MICAL2: variants seen among roughly 807,000 people sequenced by gnomAD.
MICAL2 encodes the protein microtubule associated monooxygenase, calponin and LIM domain containing 2, also known as [F-actin]-monooxygenase MICAL2.
In MICAL2, 77 loss-of-function variants were observed where a neutral mutation model predicts 127.3. That is an observed-to-expected ratio of 0.60 (90% CI 0.50 to 0.73). The LOEUF (loss-of-function observed/expected upper bound fraction) is 0.73, where lower values mean the gene tolerates loss of function less well. MICAL2 is among the 30% of genes least tolerant of loss of function. The pLI is 0.00. For missense variants in MICAL2, 1,351 were observed against 1,434.4 expected, an observed-to-expected ratio of 0.94 and a Z score of 0.94; for synonymous variants, 570 against 551.1, an observed-to-expected ratio of 1.03 and a Z score of -0.48.
intron 32 of MICAL2, among the ~76,000 whole-genome samples, chr11:12,336,180 G>C: frequency 6.6e-6 from 1 of 152,146 alleles, no homozygotes; most frequent in Non-Finnish European, 1.5e-5. Flanking sequence ...TCCCTTGTAA[G>C]TTGGATTCCT....
chr11:12,132,678 G>T (rs751671050), intron 1 of MICAL2, among the ~76,000 whole-genome samples: 5 of 152,194 alleles, frequency 3.3e-5, no homozygotes, highest in Non-Finnish European at 7.3e-5. Context: ...GCTTGGGATG[G>T]CTTCTTGATC....
chr11:12,113,011 G>C (rs1015292859), intron 1 of MICAL2, among the ~76,000 whole-genome samples: 1 of 152,080 alleles, frequency 6.6e-6, no homozygotes, highest in Admixed American at 6.5e-5. Flanking sequence ...TTGTCTTCTT[G>C]GTGGAAGCCT....
At chr11:12,268,735 A>G (rs1863636067), downstream of MICAL2, among the ~76,000 whole-genome samples, 1 of 152,174 alleles carries the variant, frequency 6.6e-6, no homozygotes, top group African/African-American at 2.4e-5. Flanking sequence ...TCACGCGTGT[A>G]ATCCAAGCAC....
At chr11:12,216,471 C>A in intron 8 of MICAL2, 152 bp downstream of exon 8, 1 of 641,136 alleles carries the variant, frequency 1.6e-6, no homozygotes, top group South Asian at 1.9e-5. Flanking sequence ...CTTGGTGTTA[C>A]ATGAGTATTG....
intron 31 of MICAL2, chr11:12,324,141 T>C (rs1454958625): frequency 1.1e-4 from 165 of 1,548,414 alleles, no homozygotes; most frequent in Non-Finnish European, 1.4e-4. Flanking sequence ...TGGGAAAGAG[T>C]TTTGGGGGTC....
At chr11:12,301,098 G>T (rs1864041316) in intron 29 of MICAL2, among the ~76,000 whole-genome samples, 1 of 152,186 alleles carries the variant, frequency 6.6e-6, no homozygotes, top group South Asian at 2.1e-4. Context: ...AAATGAGGAA[G>T]ATGTGAAAGA....
intron 3 of MICAL2, among the ~76,000 whole-genome samples, chr11:12,180,410 T>G (rs2133943254): frequency 1.3e-5 from 2 of 151,906 alleles, no homozygotes; most frequent in African/African-American, 4.8e-5. Flanking sequence ...CTTCTGGTGC[T>G]GCTGCACACG....
chr11:12,353,536 G>GT lies in MICAL2; in HGVS notation c.5616-1247dup, dbSNP rs1939085707. On this transcript the variant is annotated intron_variant, in intron 33 of 34. Transcript: ENST00000646065. ...CCTCTGACCACTGCCACATCTGTGT[G>GT]TGGTCCTCCTTTCTTCTGAGAACTC... Among the ~76,000 whole-genome samples, 3 of 152,288 alleles carry GT rather than the reference G, an allele frequency of 2.0e-5. No homozygotes were observed. In the South Asian group the frequency reaches 6.2e-4, roughly 32 times the overall value.
At chr11:12,221,836 T>G (rs1856851982) in intron 10 of MICAL2, 77 bp downstream of exon 10, 1 of 1,173,978 alleles carries the variant, frequency 8.5e-7, no homozygotes, top group African/African-American at 1.5e-5. Context: ...ACCCCGCAGG[T>G]GACTGCTGGA....
intron 2 of MICAL2, among the ~76,000 whole-genome samples, chr11:12,146,818 C>T (rs1449790276): frequency 6.6e-6 from 1 of 152,202 alleles, no homozygotes; most frequent in East Asian, 1.9e-4. Flanking sequence ...ACCCAAATGT[C>T]CATCAATGAT....
In MICAL2 at chr11:12,262,419, C is replaced by T. The variant is rs1000090001; in HGVS notation, c.3335-61C>T. The T allele has an allele frequency of 4.4e-6, 7 of 1,603,890 alleles. No homozygotes were observed. In the African/African-American group the frequency reaches 5.4e-5, roughly 12 times the overall value. ...TGATGTTAATCATTTCCTTTTTTCCCCACACTAAGCTCTCTTTTCTATCTT... is the reference window on the plus strand; with the variant it reads ...TGATGTTAATCATTTCCTTTTTTCCTCACACTAAGCTCTCTTTTCTATCTT... On this transcript the variant is annotated intron_variant, in intron 26 of 27. Transcript: ENST00000683283.
exon 35 of MICAL2, chr11:12,358,348 C>A (rs781175581): frequency 6.2e-7 from 1 of 1,614,146 alleles, no homozygotes; most frequent in Non-Finnish European, 8.5e-7. Flanking sequence ...ATTCACCGAG[C>A]TGATGCAAGT....
intron 2 of MICAL2, among the ~76,000 whole-genome samples, chr11:12,155,823 G>T (rs901153366): frequency 6.6e-6 from 1 of 152,200 alleles, no homozygotes; most frequent in Non-Finnish European, 1.5e-5. Flanking sequence ...GCTTCCTTCT[G>T]CCATTCCAAG....
At chr11:12,289,577 T>C (rs1481643557), downstream of MICAL2, among the ~76,000 whole-genome samples, 2 of 148,152 alleles carry the variant, frequency 1.3e-5, no homozygotes, top group Non-Finnish European at 3.0e-5. Flanking sequence ...TTTTTTTTTT[T>C]TTTCTTCTTG....
intron 32 of MICAL2, chr11:12,327,380 A>G (rs1864366442): frequency 2.4e-6 from 2 of 826,842 alleles, no homozygotes; most frequent in African/African-American, 1.7e-5. Context: ...GCATGGACAT[A>G]TGGTGGTAAA....
chr11:12,215,827 C>T (rs1449600146), intron 7 of MICAL2, among the ~76,000 whole-genome samples: 8 of 152,268 alleles, frequency 5.3e-5, no homozygotes, highest in South Asian at 2.1e-4. Flanking sequence ...CTACTATGGG[C>T]GCATGGAGGG....
intron 34 of MICAL2, among the ~76,000 whole-genome samples, chr11:12,357,581 G>A (rs909663558): frequency 6.6e-6 from 1 of 152,182 alleles, no homozygotes; most frequent in African/African-American, 2.4e-5. Context: ...GTTCATGCCT[G>A]TAATCCCAGC....
At chr11:12,249,142 C>T (rs775703569) in intron 21 of MICAL2, 42 bp from the exon 22 acceptor site, 21 of 1,610,238 alleles carry the variant, frequency 1.3e-5, no homozygotes, top group Non-Finnish European at 1.8e-5. Flanking sequence ...GGAAAGAAAG[C>T]TTATTTACCT....
At chr11:12,245,235 A>C (rs1384490062) in intron 21 of MICAL2, among the ~76,000 whole-genome samples, 3 of 152,050 alleles carry the variant, frequency 2.0e-5, no homozygotes, top group Non-Finnish European at 4.4e-5. Flanking sequence ...CCACCCACCA[A>C]CTGTGCTTCT....
Sources: gnomAD v4.1 joint callset for allele counts (sites outside exome capture counted in the v4.1 genomes callset) on GRCh38, gnomAD v4.1.1 for gene constraint, MANE v1.5 for transcripts, NCBI Gene and HGNC (gene_info 2026-07-23, HGNC 2026-07-21) for gene names.